STX8: variants seen among roughly 807,000 people sequenced by gnomAD.
STX8 encodes the protein syntaxin-8.
A neutral mutation model predicts 37.5 loss-of-function variants in STX8; 23 were observed. The ratio of observed to expected loss-of-function variants is 0.61; its 90% CI spans 0.44 to 0.87. STX8 has a LOEUF of 0.87. Ranked by LOEUF, STX8 falls within the 40% of genes least tolerant of loss-of-function variation. The pLI is 0.00. For missense variants in STX8, 313 were observed against 284.7 expected (o/e 1.10, Z -0.71); for synonymous variants, 115 against 99.1 (o/e 1.16, Z -0.95).
chr17:9,569,321 C>A (rs932066161), intron 1 of STX8, among the ~76,000 whole-genome samples: 10 of 151,992 alleles, frequency 6.6e-5, no homozygotes, highest in African/African-American at 2.4e-4. Context: ...AGAAGAAAAA[C>A]GCAGCAGGAT....
intron 6 of STX8, among the ~76,000 whole-genome samples, chr17:9,404,167 T>G (rs1038670736): frequency 6.6e-6 from 1 of 151,990 alleles, no homozygotes; most frequent in South Asian, 2.1e-4. Flanking sequence ...ATAATAAAAG[T>G]CTTCATCCTC....
intron 6 of STX8, among the ~76,000 whole-genome samples, chr17:9,438,958 C>A (rs544344823): frequency 2.0e-5 from 3 of 152,060 alleles, no homozygotes; most frequent in African/African-American, 4.8e-5. Context: ...ACAAAAAAAA[C>A]CATAGTCAAA....
At chr17:9,342,294 C>T (rs1373647996) in intron 7 of STX8, among the ~76,000 whole-genome samples, 1 of 152,164 alleles carries the variant, frequency 6.6e-6, no homozygotes, top group Non-Finnish European at 1.5e-5. Flanking sequence ...AGACCGGTAC[C>T]AGTCCTGGCC....
At chr17:9,523,380 G>A (rs1905438438) in intron 4 of STX8, among the ~76,000 whole-genome samples, 1 of 56,096 alleles carries the variant, frequency 1.8e-5, no homozygotes, top group Non-Finnish European at 3.8e-5. Flanking sequence ...AAATATATAT[G>A]TACATATATA....
At chr17:9,277,216 C>T (rs550585350) in intron 7 of STX8, among the ~76,000 whole-genome samples, 3 of 152,270 alleles carry the variant, frequency 2.0e-5, no homozygotes, top group South Asian at 4.2e-4. Flanking sequence ...GAGTAAGGAA[C>T]ACATCCTTTT....
At chr17:9,458,393 C>T (rs1905247886) in intron 6 of STX8, among the ~76,000 whole-genome samples, 1 of 151,126 alleles carries the variant, frequency 6.6e-6, no homozygotes, top group Non-Finnish European at 1.5e-5. Flanking sequence ...TCGTGATCCG[C>T]CCGCCTTGGC....
At chr17:9,284,829 T>C (rs1234515728) in intron 7 of STX8, among the ~76,000 whole-genome samples, 1 of 152,116 alleles carries the variant, frequency 6.6e-6, no homozygotes, top group East Asian at 1.9e-4. Flanking sequence ...CCTCAAAAAG[T>C]TTCTGACTTG....
At chr17:9,360,322 C>T (rs1205977228) in intron 7 of STX8, among the ~76,000 whole-genome samples, 2 of 149,210 alleles carry the variant, frequency 1.3e-5, no homozygotes, top group Non-Finnish European at 3.0e-5. Context: ...GCAACCTCTG[C>T]CTCCCGGGTT....
chr17:9,491,292 G>A (rs1906841974), intron 6 of STX8, among the ~76,000 whole-genome samples: 1 of 137,918 alleles, frequency 7.3e-6, no homozygotes, highest in African/African-American at 3.2e-5. Flanking sequence ...ACCCATCCAG[G>A]CCCTCCTCAA....
At chr17:9,308,017 C>CACA (rs1909061687) in intron 7 of STX8, among the ~76,000 whole-genome samples, 1 of 152,124 alleles carries the variant, frequency 6.6e-6, no homozygotes, top group Non-Finnish European at 1.5e-5. Context: ...GATAGAAAAG[C>CACA]ACAACAGATT....
At position 9,557,547 on chromosome 17, in the gene STX8, A is replaced by T; in HGVS notation, c.118-19T>A. On this transcript the variant is annotated intron_variant, in intron 2 of 7. Coordinates refer to ENST00000306357, the MANE Select transcript of STX8 (RefSeq NM_004853.3). Reference sequence around the variant, plus strand: ...CGGTAAGCTGAAAAGAAAAGAACACATCCTAAGTATTCTAGTCCAGAATGT... The same window carrying T: ...CGGTAAGCTGAAAAGAAAAGAACACTTCCTAAGTATTCTAGTCCAGAATGT... 2.5e-6 allele frequency: 4 copies of T among 1,604,074 alleles called. No individual in the cohort carries two copies. Among genetic ancestry groups the T allele is most frequent in the Non-Finnish European group, 3.4e-6 (4 of 1,171,028 alleles).
At position 9,488,821 on chromosome 17, in the gene STX8, AGTGT is replaced by A. The variant is rs71135988; in HGVS notation, c.541+3004_541+3007del. Among the ~76,000 whole-genome samples, 111 of 144,014 alleles carry A rather than the reference AGTGT, an allele frequency of 7.7e-4. 1 individual carries two copies. In the East Asian group the frequency reaches 0.015, roughly 19 times the overall value. 94.5% of individuals were successfully genotyped at this position (144,014 alleles called of 152,430 possible). A position where few individuals can be genotyped will look rare whatever the true frequency, so the allele number is the denominator to read the frequency against. ...GAGAAAGAGAGAGAGAGAGAGAGAG[AGTGT>A]GTGTGTGTGTGTGTGTGTGTGTTTT... On this transcript the variant is annotated intron_variant, in intron 6 of 7. Transcript: ENST00000306357.
At chr17:9,458,522 T>C (rs975045988) in intron 6 of STX8, among the ~76,000 whole-genome samples, 1 of 152,212 alleles carries the variant, frequency 6.6e-6, no homozygotes, top group Non-Finnish European at 1.5e-5. Flanking sequence ...CAAAAACACA[T>C]CAAATAAGTT....
At chr17:9,348,237 T>C (rs73270047) in intron 7 of STX8, among the ~76,000 whole-genome samples, 6,798 of 151,438 alleles carry the variant, frequency 0.045, 484 homozygotes, top group African/African-American at 0.15. Context: ...CATCCTGACG[T>C]TGAAACCCCA....
intron 4 of STX8, among the ~76,000 whole-genome samples, chr17:9,543,292 G>GTACTTTTTTTT (rs371620984): frequency 2.9e-5 from 1 of 33,972 alleles, no homozygotes; most frequent in African/African-American, 1.6e-4. Flanking sequence ...CTAGAAGACA[G>GTACTTTTTTTT]TTTTTTGGTT....
chr17:9,505,258 T>A, intron 4 of STX8, 96 bp from the exon 5 acceptor site: 1 of 1,419,136 alleles, frequency 7.0e-7, no homozygotes, highest in Non-Finnish European at 9.5e-7. Context: ...CTTGAATGCT[T>A]TGAAAATTCA....
At chr17:9,508,957 G>A (rs900716566) in intron 4 of STX8, among the ~76,000 whole-genome samples, 2 of 152,136 alleles carry the variant, frequency 1.3e-5, no homozygotes, top group African/African-American at 2.4e-5. Flanking sequence ...TCTAAAAACA[G>A]CAAGAGAAGG....
chr17:9,500,895 C>CT (rs1904585858), intron 5 of STX8, among the ~76,000 whole-genome samples: 1 of 152,120 alleles, frequency 6.6e-6, no homozygotes, highest in South Asian at 2.1e-4. Context: ...GTCCCAGCTA[C>CT]TTGGGAGGCT....
At chr17:9,545,424 G>A (rs903053652) in intron 3 of STX8, 142 bp from the exon 4 acceptor site, 12 of 616,192 alleles carry the variant, frequency 1.9e-5, no homozygotes, top group Admixed American at 9.1e-5. Context: ...CCACTCTTGC[G>A]TTTTTCCTGC....
Sources: gnomAD v4.1 joint callset for allele counts (sites outside exome capture counted in the v4.1 genomes callset) on GRCh38, gnomAD v4.1.1 for gene constraint, MANE v1.5 for transcripts, NCBI Gene and HGNC (gene_info 2026-07-23, HGNC 2026-07-21) for gene names.